The following ATAD2B variants were observed in gnomAD, a reference collection of about 807,000 sequenced individuals.
The protein encoded by ATAD2B is ATPase family AAA domain-containing protein 2B.
Under a neutral mutation model 167.6 loss-of-function variants are expected in ATAD2B, and 40 were observed. That is an observed-to-expected ratio of 0.24 (90% CI 0.19 to 0.31). The LOEUF (loss-of-function observed/expected upper bound fraction) is 0.31. Ranked by LOEUF, ATAD2B falls within the 10% of genes least tolerant of loss-of-function variation. The probability of loss-of-function intolerance (pLI) is 1.00; values close to 1 mark genes in which losing one functional copy is unlikely to be tolerated. For missense variants in ATAD2B, 1,242 were observed against 1,757.2 expected (o/e 0.71, Z 5.24); for synonymous variants, 579 against 596.5 (o/e 0.97, Z 0.43).
the ATAD2B span, among the ~76,000 whole-genome samples, chr2:23,717,464 G>A: frequency 6.6e-6 from 1 of 151,972 alleles, no homozygotes; most frequent in Non-Finnish European, 1.5e-5. Flanking sequence ...GAACAGCACA[G>A]GGACAAAAAA....
At chr2:23,736,574 G>A in the ATAD2B span, among the ~76,000 whole-genome samples, 1 of 152,132 alleles carries the variant, frequency 6.6e-6, no homozygotes, top group Non-Finnish European at 1.5e-5. Flanking sequence ...AAGAGAAGAT[G>A]GCCAAATAAG....
intron 11 of ATAD2B, among the ~76,000 whole-genome samples, chr2:23,863,826 T>A (rs1694769024): frequency 6.6e-6 from 1 of 152,162 alleles, no homozygotes; most frequent in African/African-American, 2.4e-5. Context: ...AAATTTCACA[T>A]CTTTAGAATA....
At chr2:23,726,388 A>G in the ATAD2B span, among the ~76,000 whole-genome samples, 1 of 152,242 alleles carries the variant, frequency 6.6e-6, no homozygotes, top group Non-Finnish European at 1.5e-5. Flanking sequence ...TTGTGTGTTA[A>G]TATGTGAATA....
chr2:23,885,786 G>A lies in ATAD2B; in HGVS notation c.616C>T (p.Arg206Ter). 2 of 1,596,296 alleles carry A rather than the reference G, an allele frequency of 1.3e-6. No individual in the cohort carries two copies. The highest frequency in any genetic ancestry group is 1.7e-6 in the Non-Finnish European group (2 of 1,170,126). Residue 206 changes from arginine to a stop codon, truncating the protein, a stop_gained, in exon 5 of 28, where the codon CGA (arginine) becomes TGA (stop). Transcript: ENST00000238789. LOFTEE classifies it high-confidence loss of function. ...VLQEMDNINI[R>*]RNRRSGEVER... ...ACTTCTCCTGATCGACGATTCCGTC[G>A]GATGTTAATGTTGTCCATTTCCTGT...
chr2:23,717,767 A>G, the ATAD2B span, among the ~76,000 whole-genome samples: 1 of 152,228 alleles, frequency 6.6e-6, no homozygotes. Context: ...AAAGAAAATG[A>G]TAACCTAATA....
chr2:23,735,500 T>C, the ATAD2B span, among the ~76,000 whole-genome samples: 1 of 152,210 alleles, frequency 6.6e-6, no homozygotes, highest in Non-Finnish European at 1.5e-5. Flanking sequence ...ACTTTTATTT[T>C]CCATTTTACC....
chr2:23,922,994 T>C (rs1704182508), intron 1 of ATAD2B, among the ~76,000 whole-genome samples: 1 of 152,166 alleles, frequency 6.6e-6, no homozygotes, highest in Non-Finnish European at 1.5e-5. Flanking sequence ...GATCCAGCAA[T>C]CCCAACTTCT....
At chr2:23,910,747 A>C (rs1702173136) in intron 1 of ATAD2B, among the ~76,000 whole-genome samples, 1 of 151,868 alleles carries the variant, frequency 6.6e-6, no homozygotes, top group African/African-American at 2.4e-5. Context: ...GCACGCCTGT[A>C]GTTCCAGCTA....
the ATAD2B span, among the ~76,000 whole-genome samples, chr2:23,709,025 CT>C: frequency 6.0e-5 from 9 of 151,060 alleles, no homozygotes; most frequent in Non-Finnish European, 1.0e-4. Flanking sequence ...AGGGTGATTT[CT>C]TTTCTTTTCT....
chr2:23,800,681 AC>A (rs971222688), intron 18 of ATAD2B, among the ~76,000 whole-genome samples: 2 of 152,136 alleles, frequency 1.3e-5, no homozygotes, highest in African/African-American at 4.8e-5. Context: ...AAATTTGTCC[AC>A]ATTTCCAAAA....
chr2:23,740,450 C>A, the ATAD2B span, among the ~76,000 whole-genome samples: 3 of 149,974 alleles, frequency 2.0e-5, no homozygotes, highest in South Asian at 6.3e-4. Context: ...AAGACAAAAA[C>A]CACATGATTA....
At chr2:23,893,975 T>C (rs1699868744) in intron 2 of ATAD2B, among the ~76,000 whole-genome samples, 1 of 152,134 alleles carries the variant, frequency 6.6e-6, no homozygotes, top group Non-Finnish European at 1.5e-5. Context: ...AAAAATCTTT[T>C]TAAATTGTGT....
At chr2:23,703,052 C>A in the ATAD2B span, 1 of 575,844 alleles carries the variant, frequency 1.7e-6, no homozygotes, top group Non-Finnish European at 2.8e-6. Context: ...GTGCCCCCCA[C>A]TGCTGGTGTG....
At chr2:23,696,125 A>G in the ATAD2B span, 2 of 1,551,184 alleles carry the variant, frequency 1.3e-6, no homozygotes, top group Non-Finnish European at 1.7e-6. This position sits in a 1 kb window ranked among gnomAD's most constrained non-coding sequence, Gnocchi z 5.5. Flanking sequence ...GACAACATCT[A>G]CCTCTCAGGT....
intron 11 of ATAD2B, 58 bp downstream of exon 11, chr2:23,864,751 A>G: frequency 1.3e-6 from 1 of 765,374 alleles, no homozygotes; most frequent in Non-Finnish European, 2.0e-6. Context: ...AATTTACTCA[A>G]ATAACATTTG....
chr2:23,870,620 A>C lies in ATAD2B; in HGVS notation c.978-859T>G, dbSNP rs182369473. On this transcript the variant is annotated intron_variant, in intron 8 of 27. Transcript: ENST00000238789. ...TTTAAATTACATCCAAATTTAGCGA[A>C]TATCGGTCACTGTTTGATAAATAAC... Among the ~76,000 whole-genome samples the C allele has an allele frequency of 8.9e-3, 1,063 of 119,668 alleles. 8 individuals carry two copies. Among genetic ancestry groups the C allele is most frequent in the Non-Finnish European group, 0.015 (853 of 55,104 alleles). The allele number at this position is 119,668 out of a possible 152,430, so 78.5% of individuals were successfully genotyped here.
At chr2:23,767,603 T>C (rs907808843) in intron 22 of ATAD2B, among the ~76,000 whole-genome samples, 4 of 152,194 alleles carry the variant, frequency 2.6e-5, no homozygotes, top group East Asian at 1.9e-4. Context: ...ATGAAAATCA[T>C]TGAAAAGATC....
At chr2:23,719,942 G>A in the ATAD2B span, among the ~76,000 whole-genome samples, 1,154 of 152,282 alleles carry the variant, frequency 7.6e-3, 14 homozygotes, top group Middle Eastern at 0.031. Flanking sequence ...CATCCCACAC[G>A]TCCCCTGGGC....
intron 9 of ATAD2B, 37 bp from the exon 10 acceptor site, chr2:23,867,983 A>C: frequency 7.2e-7 from 1 of 1,380,560 alleles, no homozygotes; most frequent in Non-Finnish European, 1.0e-6. Context: ...GTTGCATTAA[A>C]AGTTTCACAT....
Sources: gnomAD v4.1 joint callset for allele counts (sites outside exome capture counted in the v4.1 genomes callset) on GRCh38, gnomAD v4.1.1 for gene constraint, Gnocchi (gnomAD v3.1) non-coding constraint, MANE v1.5 for transcripts, NCBI Gene and HGNC (gene_info 2026-07-23, HGNC 2026-07-21) for gene names.